Variants in MAP2K6 observed in about 807,000 individuals in gnomAD.
The protein encoded by MAP2K6 is mitogen-activated protein kinase kinase 6.
A neutral mutation model predicts 53.7 loss-of-function variants in MAP2K6; 16 were observed. That is an observed-to-expected ratio of 0.30 (90% CI 0.20 to 0.45). The LOEUF (loss-of-function observed/expected upper bound fraction) is 0.45, where lower values mean the gene tolerates loss of function less well. MAP2K6 is among the 20% of genes least tolerant of loss of function. The pLI is 1.00. For synonymous variants in MAP2K6, 132 were observed against 143.1 expected (o/e 0.92, Z 0.55); for missense variants, 204 against 411.9 (o/e 0.50, Z 4.37).
At chr17:69,516,415 G>A (rs1169000884) in intron 2 of MAP2K6, among the ~76,000 whole-genome samples, 1 of 152,172 alleles carries the variant, frequency 6.6e-6, no homozygotes, top group African/African-American at 2.4e-5. Flanking sequence ...GCTACTGTAA[G>A]TACAGGTGAA....
intron 1 of MAP2K6, among the ~76,000 whole-genome samples, chr17:69,436,716 G>T (rs992232523): frequency 6.6e-6 from 1 of 152,034 alleles, no homozygotes; most frequent in East Asian, 1.9e-4. Flanking sequence ...CTATATAGTT[G>T]ACCCTGAACA....
chr17:69,521,111 A>G lies in MAP2K6; in HGVS notation c.535+11A>G, dbSNP rs375928354. On this transcript the variant is annotated intron_variant, in intron 7 of 11. Transcript: ENST00000590474. ...CTGTCATTCACAGAGGTAAGCATCC[A>G]TGAGCTGCCTTGGCTGTTCCTTTGA... The G allele has an allele frequency of 1.1e-5, 18 of 1,609,178 alleles. No individual in the cohort carries two copies. The highest frequency in any genetic ancestry group is 1.7e-6 in the Non-Finnish European group (2 of 1,177,554).
intron 1 of MAP2K6, among the ~76,000 whole-genome samples, chr17:69,497,801 GT>G (rs1178106413): frequency 1.3e-5 from 2 of 152,048 alleles, no homozygotes; most frequent in Non-Finnish European, 2.9e-5. Flanking sequence ...AGTCTTGATT[GT>G]CAAAATCCCA....
chr17:69,463,260 A>T (rs891601750), intron 1 of MAP2K6, among the ~76,000 whole-genome samples: 11 of 151,152 alleles, frequency 7.3e-5, no homozygotes, highest in Admixed American at 5.3e-4. Context: ...GCTTTCACGT[A>T]CATATATGTA....
intron 11 of MAP2K6, among the ~76,000 whole-genome samples, chr17:69,540,155 C>T (rs1381470562): frequency 6.6e-6 from 1 of 152,156 alleles, no homozygotes; most frequent in African/African-American, 2.4e-5. Flanking sequence ...ACTCAGTTTT[C>T]CACGGAGCTG....
chr17:69,505,567 C>G (rs746939212), intron 1 of MAP2K6: 1 of 464,464 alleles, frequency 2.2e-6, no homozygotes, highest in Non-Finnish European at 3.9e-6. Context: ...AATGAAAAAC[C>G]TCATTCATGA....
At chr17:69,455,038 T>A (rs7221647) in intron 1 of MAP2K6, among the ~76,000 whole-genome samples, 443 of 107,768 alleles carry the variant, frequency 4.1e-3, no homozygotes, top group Middle Eastern at 5.3e-3. Context: ...TATTATTATT[T>A]TTTTTTTTTT....
At chr17:69,416,112 TATTGA>T (rs1905891454) in intron 1 of MAP2K6, among the ~76,000 whole-genome samples, 1 of 152,184 alleles carries the variant, frequency 6.6e-6, no homozygotes, top group African/African-American at 2.4e-5. Context: ...TGTTAGATAC[TATTGA>T]ATTAGGCTAC....
rs142067482 is a variant in MAP2K6, at chr17:69,494,960, G to T, written c.17-10820G>T. On this transcript the variant is annotated intron_variant, in intron 1 of 11. Coordinates refer to ENST00000590474, the MANE Select transcript of MAP2K6 (RefSeq NM_002758.4). This position sits in a 1 kb window ranked among gnomAD's most constrained non-coding sequence, Gnocchi z 4.2. The stretch of plus-strand genomic sequence containing the variant: ...GTGGAGGTTGCCGTGAGCCGAGATC[G>T]CGACATTGCACTCCAGCCTGGGCAA... Among the ~76,000 whole-genome samples the T allele has an allele frequency of 6.6e-6, 1 of 151,686 alleles. No homozygotes were observed. Among genetic ancestry groups the T allele is most frequent in the Non-Finnish European group, 1.5e-5 (1 of 67,940 alleles).
At position 69,516,836 on chromosome 17, in the gene MAP2K6, T is replaced by C. The variant is rs1181467093; in HGVS notation, c.84-19T>C. 1 of 1,563,660 alleles carries C rather than the reference T, an allele frequency of 6.4e-7. No individual in the cohort carries two copies. Among genetic ancestry groups the C allele is most frequent in the Admixed American group, 1.7e-5 (1 of 58,978 alleles). On this transcript the variant is annotated intron_variant, in intron 2 of 11. Coordinates refer to ENST00000590474, the MANE Select transcript of MAP2K6 (RefSeq NM_002758.4). The stretch of plus-strand genomic sequence containing the variant: ...ACTCAATAGCTTATGTTTCTTCTTT[T>C]CCCCCTTATCTTTCTTAGACCACCT...
At chr17:69,437,384 A>G (rs1422322150) in intron 1 of MAP2K6, among the ~76,000 whole-genome samples, 2 of 152,086 alleles carry the variant, frequency 1.3e-5, no homozygotes, top group Non-Finnish European at 2.9e-5. Context: ...TGAGTAGGCT[A>G]AGGAGGAGGA....
intron 1 of MAP2K6, among the ~76,000 whole-genome samples, chr17:69,456,246 G>T (rs1907407896): frequency 6.6e-6 from 1 of 152,176 alleles, no homozygotes; most frequent in Non-Finnish European, 1.5e-5. Context: ...TAGGAACCTG[G>T]CTGTGGCTGG....
intron 1 of MAP2K6, among the ~76,000 whole-genome samples, chr17:69,449,581 CTTTCTTTCTT>C (rs1907127254): frequency 6.3e-5 from 6 of 94,576 alleles, no homozygotes; most frequent in African/African-American, 1.2e-4. Context: ...TTCTTTCTTT[CTTTCTTTCTT>C]TTTCTTTCTT....
chr17:69,473,460 T>G (rs1428789968), intron 1 of MAP2K6, among the ~76,000 whole-genome samples: 2 of 152,236 alleles, frequency 1.3e-5, no homozygotes, highest in African/African-American at 4.8e-5. Flanking sequence ...ACCAAAATAC[T>G]AATAGCAGTT....
At chr17:69,450,783 C>T (rs907550375) in intron 1 of MAP2K6, among the ~76,000 whole-genome samples, 2 of 151,910 alleles carry the variant, frequency 1.3e-5, no homozygotes, top group African/African-American at 2.4e-5. Flanking sequence ...AAATAAGACC[C>T]TGCCCTCAGA....
chr17:69,482,050 A>G (rs1259843804), intron 1 of MAP2K6, among the ~76,000 whole-genome samples: 3 of 152,140 alleles, frequency 2.0e-5, no homozygotes, highest in African/African-American at 7.2e-5. Context: ...GAAAAAGTTG[A>G]CTTCAATTAG....
At chr17:69,515,558 T>A (rs551386495) in intron 2 of MAP2K6, among the ~76,000 whole-genome samples, 1 of 152,358 alleles carries the variant, frequency 6.6e-6, no homozygotes, top group South Asian at 2.1e-4. Context: ...AACATTTTTC[T>A]CTTAAGTAGA....
At chr17:69,468,121 AC>A (rs897997418) in intron 1 of MAP2K6, among the ~76,000 whole-genome samples, 2 of 152,040 alleles carry the variant, frequency 1.3e-5, no homozygotes, top group African/African-American at 4.8e-5. Flanking sequence ...GCCCAAGTGC[AC>A]CCCTTCCCGC....
chr17:69,446,353 C>T (rs1906963081), intron 1 of MAP2K6, among the ~76,000 whole-genome samples: 1 of 152,184 alleles, frequency 6.6e-6, no homozygotes, highest in Admixed American at 6.5e-5. Context: ...TTGAGTGACA[C>T]ACAGAAAGCC....
Sources: gnomAD v4.1 joint callset for allele counts (sites outside exome capture counted in the v4.1 genomes callset) on GRCh38, gnomAD v4.1.1 for gene constraint, Gnocchi (gnomAD v3.1) non-coding constraint, MANE v1.5 for transcripts, NCBI Gene and HGNC (gene_info 2026-07-23, HGNC 2026-07-21) for gene names.